HS6ST2: variants seen among roughly 807,000 people sequenced by gnomAD.
HS6ST2 encodes heparan-sulfate 6-O-sulfotransferase 2.
A neutral mutation model predicts 33.0 loss-of-function variants in HS6ST2; 17 were observed. That is an observed-to-expected ratio of 0.52 (90% CI 0.35 to 0.77). HS6ST2 has a LOEUF of 0.77. Among genes scored for constraint, HS6ST2 ranks in the 30% least tolerant of loss-of-function variants. The probability of loss-of-function intolerance (pLI) is 0.01; values close to 1 mark genes in which losing one functional copy is unlikely to be tolerated. For synonymous variants in HS6ST2, 248 were observed against 237.1 expected, an observed-to-expected ratio of 1.05 and a Z score of -0.42; for missense variants, 519 against 551.7, an observed-to-expected ratio of 0.94 and a Z score of 0.59.
chrX:132,781,668 A>C (rs1020709353), intron 2 of HS6ST2, among the ~76,000 whole-genome samples: 3 of 111,582 alleles, frequency 2.7e-5, no homozygotes, highest in South Asian at 3.9e-4. Flanking sequence ...GGAACCTATA[A>C]TTGAGGTGGA....
chrX:132,798,260 G>A lies in HS6ST2; in HGVS notation c.948-89766C>T, dbSNP rs749720999. On this transcript the variant is annotated intron_variant, in intron 2 of 4. Coordinates refer to ENST00000370833, the MANE Select transcript of HS6ST2 (RefSeq NM_001394073.1). The stretch of plus-strand genomic sequence containing the variant: ...TAGAAGTCCAGGATTTTAGCGACTT[G>A]AAAGGGAATGCAGATCTTCAGATTG... Among the ~76,000 whole-genome samples, 4 of 110,583 alleles carry A rather than the reference G, an allele frequency of 3.6e-5. No individual in the cohort carries two copies. In the East Asian group the frequency reaches 1.1e-3, roughly 32 times the overall value.
At chrX:132,955,010 C>A (rs1006097121) in intron 2 of HS6ST2, among the ~76,000 whole-genome samples, 6 of 111,587 alleles carry the variant, frequency 5.4e-5, no homozygotes, top group African/African-American at 2.0e-4. Context: ...GGCACATGTG[C>A]CCCATGGAAC....
chrX:132,883,292 G>T (rs1051993881), intron 2 of HS6ST2, among the ~76,000 whole-genome samples: 39 of 111,182 alleles, frequency 3.5e-4, no homozygotes, highest in Non-Finnish European at 2.8e-4. Context: ...ATTAATTATT[G>T]CCTCAATTTC....
intron 2 of HS6ST2, among the ~76,000 whole-genome samples, chrX:132,810,458 A>T (rs2065330938): frequency 9.1e-6 from 1 of 109,790 alleles, no homozygotes; most frequent in Non-Finnish European, 1.9e-5. Flanking sequence ...AGAAAGAGAG[A>T]AAGAGAGAAA....
At chrX:132,760,781 T>C (rs1184392157) in intron 2 of HS6ST2, among the ~76,000 whole-genome samples, 2 of 111,088 alleles carry the variant, frequency 1.8e-5, no homozygotes, top group African/African-American at 3.3e-5. Context: ...CACACATAAC[T>C]CACCCTTGTA....
At chrX:132,857,570 C>A (rs932783698) in intron 2 of HS6ST2, among the ~76,000 whole-genome samples, 8 of 109,964 alleles carry the variant, frequency 7.3e-5, no homozygotes, top group Non-Finnish European at 1.3e-4. Context: ...AAATAGATAA[C>A]CAAGAAAGCA....
intron 2 of HS6ST2, among the ~76,000 whole-genome samples, chrX:132,900,500 G>A (rs755737639): frequency 5.4e-5 from 6 of 110,844 alleles, no homozygotes; most frequent in Non-Finnish European, 7.5e-5. Context: ...AGGACTGCTT[G>A]AGGCCAAGAG....
At chrX:132,821,680 G>C (rs1378639855) in intron 2 of HS6ST2, among the ~76,000 whole-genome samples, 1 of 111,173 alleles carries the variant, frequency 9.0e-6, no homozygotes, top group African/African-American at 3.3e-5. Context: ...AAATATAACA[G>C]CTAATACTGT....
At chrX:132,875,608 T>G (rs772224318) in intron 2 of HS6ST2, among the ~76,000 whole-genome samples, 2 of 112,263 alleles carry the variant, frequency 1.8e-5, no homozygotes, top group South Asian at 7.4e-4. Context: ...TCTTGTAAGT[T>G]TACAATTGGC....
chrX:132,803,471 C>A (rs1036585158), intron 2 of HS6ST2, among the ~76,000 whole-genome samples: 2 of 111,682 alleles, frequency 1.8e-5, no homozygotes, highest in Non-Finnish European at 3.8e-5. Flanking sequence ...TGCAGTGGCA[C>A]AATCTCGGCT....
At chrX:132,716,485 G>C (rs990783658) in intron 2 of HS6ST2, among the ~76,000 whole-genome samples, 1 of 111,795 alleles carries the variant, frequency 8.9e-6, no homozygotes, top group Non-Finnish European at 1.9e-5. Context: ...CTCATGATGT[G>C]GGGGAGCTAG....
At chrX:132,725,907 A>G (rs900691087) in intron 2 of HS6ST2, among the ~76,000 whole-genome samples, 3 of 111,622 alleles carry the variant, frequency 2.7e-5, no homozygotes, top group Non-Finnish European at 5.6e-5. Context: ...TAAGCCAGGC[A>G]TAGAAGAACA....
chrX:132,950,687 T>C (rs1254881816), intron 2 of HS6ST2, among the ~76,000 whole-genome samples: 1 of 112,283 alleles, frequency 8.9e-6, no homozygotes, highest in Non-Finnish European at 1.9e-5. Flanking sequence ...TGTCTGGTCA[T>C]GTCCTTTGAT....
At position 132,855,593 on chromosome X, in the gene HS6ST2, G is replaced by A. The variant is rs766271187; in HGVS notation, c.947+101215C>T. Among the ~76,000 whole-genome samples, 9 of 111,803 alleles carry A rather than the reference G, an allele frequency of 8.0e-5. No individual in the cohort carries two copies. In the East Asian group the frequency reaches 2.3e-3, roughly 28 times the overall value. The stretch of plus-strand genomic sequence containing the variant: ...TCACTGGGGCTGGAGGACTGGAGAA[G>A]GGATGATGTATTAACACGAAACAAG... On this transcript the variant is annotated intron_variant, in intron 2 of 4. Coordinates refer to ENST00000370833, the MANE Select transcript of HS6ST2 (RefSeq NM_001394073.1).
At chrX:132,903,689 C>A (rs1231276768) in intron 2 of HS6ST2, among the ~76,000 whole-genome samples, 1 of 111,951 alleles carries the variant, frequency 8.9e-6, no homozygotes, top group Non-Finnish European at 1.9e-5. Context: ...CTTTGTTTTA[C>A]ATCACAATAT....
intron 4 of HS6ST2, among the ~76,000 whole-genome samples, chrX:132,644,351 A>G (rs748669275): frequency 7.6e-4 from 84 of 111,156 alleles, no homozygotes; most frequent in Non-Finnish European, 1.3e-3. Context: ...TTCTCACTCA[A>G]TCCTATGAAG....
At chrX:132,876,571 C>G (rs957745189) in intron 2 of HS6ST2, among the ~76,000 whole-genome samples, 1 of 111,190 alleles carries the variant, frequency 9.0e-6, no homozygotes, top group Non-Finnish European at 1.9e-5. Flanking sequence ...TGGAGAGGTT[C>G]TGGGAAGTAT....
At chrX:132,900,323 C>T (rs968143737) in intron 2 of HS6ST2, among the ~76,000 whole-genome samples, 7 of 111,262 alleles carry the variant, frequency 6.3e-5, no homozygotes, top group African/African-American at 2.0e-4. Flanking sequence ...GCTGGAGCTA[C>T]AAAAAGGAAT....
intron 4 of HS6ST2, among the ~76,000 whole-genome samples, chrX:132,660,790 T>C (rs779284303): frequency 3.6e-5 from 4 of 112,123 alleles, no homozygotes; most frequent in East Asian, 5.7e-4. Context: ...CTCATAGCTA[T>C]TTGTATTAGT....
Sources: gnomAD v4.1 joint callset for allele counts (sites outside exome capture counted in the v4.1 genomes callset) on GRCh38, gnomAD v4.1.1 for gene constraint, MANE v1.5 for transcripts, NCBI Gene and HGNC (gene_info 2026-07-23, HGNC 2026-07-21) for gene names.